Variants in KCNAB1 observed in about 807,000 individuals in gnomAD.
The protein encoded by KCNAB1 is potassium voltage-gated channel subfamily A regulatory beta subunit 1, also known as voltage-gated potassium channel subunit beta-1.
In KCNAB1, 35 loss-of-function variants were observed where a neutral mutation model predicts 64.6. The observed-to-expected ratio is 0.54, with a 90% confidence interval of 0.41 to 0.72. The LOEUF (loss-of-function observed/expected upper bound fraction) is 0.72. Ranked by LOEUF, KCNAB1 falls within the 30% of genes least tolerant of loss-of-function variation. The pLI is 0.00. For synonymous variants in KCNAB1, 177 were observed against 183.8 expected, an observed-to-expected ratio of 0.96 and a Z score of 0.30; for missense variants, 401 against 512.9, an observed-to-expected ratio of 0.78 and a Z score of 2.11.
At chr3:156,524,227 A>T (rs1415890798) in intron 12 of KCNAB1, 1 of 278,636 alleles carries the variant, frequency 3.6e-6, no homozygotes, top group Non-Finnish European at 6.7e-6. Context: ...TCAGGGGTGA[A>T]CTGTGTAGTG....
chr3:156,243,084 A>C (rs1043882764), intron 1 of KCNAB1, among the ~76,000 whole-genome samples: 2 of 150,410 alleles, frequency 1.3e-5, no homozygotes, highest in Non-Finnish European at 3.0e-5. Flanking sequence ...CAATTTTTGT[A>C]TTTTTAGGAG....
chr3:156,310,601 A>C (rs536425444), intron 1 of KCNAB1, among the ~76,000 whole-genome samples: 2 of 152,258 alleles, frequency 1.3e-5, no homozygotes, highest in Admixed American at 1.3e-4. Flanking sequence ...CAGGAGTTCG[A>C]GACCATCCTG....
intron 1 of KCNAB1, among the ~76,000 whole-genome samples, chr3:156,403,766 C>T (rs1352456207): frequency 2.0e-5 from 3 of 151,966 alleles, no homozygotes; most frequent in Non-Finnish European, 2.9e-5. Context: ...TAGTGGTGCA[C>T]GTCTGTAATC....
At chr3:156,359,561 C>T (rs996643577) in intron 1 of KCNAB1, among the ~76,000 whole-genome samples, 2 of 152,160 alleles carry the variant, frequency 1.3e-5, no homozygotes, top group African/African-American at 2.4e-5. Context: ...ACCTTAAAAA[C>T]CAGCATCCAG....
chr3:156,403,082 G>A (rs750438205), intron 1 of KCNAB1, among the ~76,000 whole-genome samples: 61 of 152,172 alleles, frequency 4.0e-4, no homozygotes, highest in Admixed American at 1.4e-3. Context: ...CTTGCTGATG[G>A]CGGGTGAGAA....
At chr3:156,135,705 T>G (rs1197059708) in intron 1 of KCNAB1, among the ~76,000 whole-genome samples, 2 of 152,186 alleles carry the variant, frequency 1.3e-5, no homozygotes, top group Non-Finnish European at 2.9e-5. Context: ...CTTTTGTAGT[T>G]GAGATTTACT....
chr3:156,507,912 A>G (rs1448207622), intron 8 of KCNAB1, among the ~76,000 whole-genome samples: 1 of 152,088 alleles, frequency 6.6e-6, no homozygotes, highest in Non-Finnish European at 1.5e-5. Context: ...TAGCAATTTT[A>G]TTTGGTTAAA....
At chr3:156,336,395 A>G (rs1723714297) in intron 1 of KCNAB1, among the ~76,000 whole-genome samples, 1 of 152,118 alleles carries the variant, frequency 6.6e-6, no homozygotes, top group Non-Finnish European at 1.5e-5. Context: ...AAGAGTAACA[A>G]TACTTTTAAC....
chr3:156,127,778 G>A (rs777027575), intron 1 of KCNAB1, among the ~76,000 whole-genome samples: 5 of 152,206 alleles, frequency 3.3e-5, no homozygotes, highest in Non-Finnish European at 7.3e-5. Flanking sequence ...CATGGGAGTA[G>A]CCAAATGCAC....
chr3:156,486,425 C>G (rs1715221299), intron 8 of KCNAB1, among the ~76,000 whole-genome samples: 1 of 152,166 alleles, frequency 6.6e-6, no homozygotes, highest in South Asian at 2.1e-4. Flanking sequence ...CCATCCACCC[C>G]AGCATGGGAG....
At chr3:156,342,611 T>A (rs1455525629) in intron 1 of KCNAB1, among the ~76,000 whole-genome samples, 10 of 85,676 alleles carry the variant, frequency 1.2e-4, no homozygotes, top group African/African-American at 7.8e-4. Context: ...TTTTTTTAAT[T>A]TTTTTTTTTT....
At chr3:156,169,420 C>A (rs542788275) in intron 1 of KCNAB1, among the ~76,000 whole-genome samples, 7 of 152,270 alleles carry the variant, frequency 4.6e-5, no homozygotes, top group African/African-American at 1.7e-4. Context: ...CAGGAAGGAA[C>A]GGGCAAGAAA....
intron 6 of KCNAB1, among the ~76,000 whole-genome samples, chr3:156,465,354 G>T (rs1197955955): frequency 6.6e-6 from 1 of 152,190 alleles, no homozygotes; most frequent in Non-Finnish European, 1.5e-5. Context: ...AGGTCGTACA[G>T]TGTCTTGAGT....
intron 2 of KCNAB1, among the ~76,000 whole-genome samples, chr3:156,423,999 G>T (rs1308747283): frequency 1.3e-5 from 2 of 152,192 alleles, no homozygotes; most frequent in African/African-American, 2.4e-5. Flanking sequence ...TTACAGAGGG[G>T]TTCAGTTATT....
chr3:156,506,904 T>G (rs1403195777), intron 8 of KCNAB1, among the ~76,000 whole-genome samples: 1 of 152,122 alleles, frequency 6.6e-6, no homozygotes, highest in East Asian at 1.9e-4. Context: ...AAAAGAAAGC[T>G]CATATTTCCC....
intron 1 of KCNAB1, among the ~76,000 whole-genome samples, chr3:156,216,049 G>A (rs990956509): frequency 6.6e-6 from 1 of 152,156 alleles, no homozygotes; most frequent in Non-Finnish European, 1.5e-5. Context: ...AAAGCCTTTG[G>A]ATATAGTGGG....
chr3:156,230,321 A>G (rs528190663), intron 1 of KCNAB1, among the ~76,000 whole-genome samples: 3 of 152,288 alleles, frequency 2.0e-5, no homozygotes, highest in South Asian at 2.1e-4. Context: ...ACAATTGCCT[A>G]TGGTATTCAG....
At chr3:156,444,290 A>G (rs1445769374) in intron 2 of KCNAB1, among the ~76,000 whole-genome samples, 1 of 152,238 alleles carries the variant, frequency 6.6e-6, no homozygotes, top group African/African-American at 2.4e-5. Context: ...GGGATGCTTG[A>G]TAAACATACA....
intron 4 of KCNAB1, among the ~76,000 whole-genome samples, chr3:156,458,452 G>T (rs145400642): frequency 1.2e-3 from 188 of 152,318 alleles, no homozygotes; most frequent in African/African-American, 3.9e-3. Flanking sequence ...ATAATCACCT[G>T]CAGGCCTAAT....
Sources: allele counts gnomAD v4.1 joint callset (sites outside exome capture counted in the v4.1 genomes callset), GRCh38; gene constraint gnomAD v4.1.1; transcripts MANE v1.5; gene names NCBI Gene and HGNC (gene_info 2026-07-23, HGNC 2026-07-21).